The following ASB2 variants were observed in gnomAD, a reference collection of about 807,000 sequenced individuals.
ASB2 encodes ankyrin repeat and SOCS box protein 2.
A neutral mutation model predicts 62.4 loss-of-function variants in ASB2; 58 were observed. The observed-to-expected ratio is 0.93, with a 90% confidence interval of 0.75 to 1.16. The LOEUF (loss-of-function observed/expected upper bound fraction) is 1.16. ASB2 is among the 50% of genes most tolerant of loss of function. The pLI is 0.00. For missense variants in ASB2, 928 were observed against 887.9 expected (o/e 1.05, Z -0.57); for synonymous variants, 386 against 385.3 (o/e 1.00, Z -0.02).
chr14:93,964,365 G>T lies in ASB2; in HGVS notation c.175C>A (p.Arg59Ser). ...CATGGGTAGAAATGGGCAGGTTGGC[G>T]GTTGGTACATGCAGACGCGGTGGCC... Reference protein sequence around the residue: ...AEATASACTNRQPAHFYPWTR... With the variant: ...AEATASACTNSQPAHFYPWTR... Residue 59 changes from arginine to serine, a missense_variant, in exon 2 of 10, where the codon CGC becomes AGC. By Grantham distance (110) the Arg-to-Ser change is moderately radical. Coordinates refer to ENST00000555019, the MANE Select transcript of ASB2 (RefSeq NM_001202429.2). The T allele has an allele frequency of 1.3e-6, 2 of 1,536,144 alleles. No homozygotes were observed. Among genetic ancestry groups the T allele is most frequent in the Non-Finnish European group, 1.7e-6 (2 of 1,146,902 alleles).
intron 9 of ASB2, among the ~76,000 whole-genome samples, chr14:93,936,609 T>C (rs1438222613): frequency 1.3e-5 from 2 of 152,256 alleles, no homozygotes; most frequent in Admixed American, 1.3e-4. Context: ...TCAATTCAAG[T>C]GGCTTCCAGG....
chr14:93,955,200 A>T (rs575518278), intron 3 of ASB2: 3 of 456,116 alleles, frequency 6.6e-6, no homozygotes, highest in African/African-American at 2.0e-5. Flanking sequence ...CATTTCCCAG[A>T]TGGAGAAGGT....
chr14:93,967,338 C>CCTCCT (rs57602660), intron 1 of ASB2, among the ~76,000 whole-genome samples: 57,326 of 151,296 alleles, frequency 0.38, 11,262 homozygotes, highest in East Asian at 0.44. Flanking sequence ...GGTATGACAC[C>CCTCCT]CTTCTCTTCT....
At chr14:93,973,083 A>T (rs535685311) in intron 1 of ASB2, among the ~76,000 whole-genome samples, 107 of 152,300 alleles carry the variant, frequency 7.0e-4, no homozygotes, top group African/African-American at 2.5e-3. Flanking sequence ...TCAGGGCTGC[A>T]GGCCCCAGCT....
At chr14:93,941,115 G>C (rs1172518560) in intron 7 of ASB2, 1 of 152,972 alleles carries the variant, frequency 6.5e-6, no homozygotes, top group Admixed American at 6.5e-5. Flanking sequence ...TCAGAGAGCC[G>C]AAGTGACTAA....
Position 93,956,830 on chromosome 14 carries a change from T to C in ASB2, c.247A>G (p.Met83Val), listed in dbSNP as rs199712784. 5.9e-5 allele frequency: 96 copies of C among 1,614,062 alleles called. No homozygotes were observed. The highest frequency in any genetic ancestry group is 1.6e-4 in the Middle Eastern group (1 of 6,062). The change falls in exon 3 of 10, where the codon ATG becomes GTG. Residue 83 changes from methionine to valine, a missense_variant. Physicochemically the swap from Met to Val is conservative, Grantham distance 21. Transcript: ENST00000555019. ...PPESSPARAP[M>V]GLFQGVMQKY... ...TGCATGACCCCTTGGAACAAGCCCA[T>C]TGGGGCCCGGGCCGGCGAACTCTCA...
At chr14:93,947,619 G>GTA in intron 6 of ASB2, 99 bp from the exon 7 acceptor site, 1 of 1,214,410 alleles carries the variant, frequency 8.2e-7, no homozygotes, top group Non-Finnish European at 1.2e-6. Context: ...GCTAACCACG[G>GTA]TAATGCACGG....
intron 2 of ASB2, among the ~76,000 whole-genome samples, chr14:93,960,002 C>T (rs984986574): frequency 7.4e-6 from 1 of 135,776 alleles, no homozygotes; most frequent in Non-Finnish European, 1.6e-5. Flanking sequence ...CCACCCCATG[C>T]CACGAGTCCA....
Position 93,934,557 on chromosome 14 carries a change from C to T in ASB2, c.*99G>A. ...GGCTGAGAGGGAGGCAGCCTGCAGC[C>T]TCGTCTGTCACCAGGTCCCCTTGGA... On this transcript the variant is annotated 3_prime_UTR_variant, in exon 10 of 10. Transcript: ENST00000555019. 2 of 1,297,488 alleles carry T rather than the reference C, an allele frequency of 1.5e-6. No homozygotes were observed. The highest frequency in any genetic ancestry group is 1.1e-6 in the Non-Finnish European group (1 of 917,710). 80.4% of individuals were successfully genotyped at this position (1,297,488 alleles called of 1,614,324 possible).
At chr14:93,958,179 G>A (rs933854993) in intron 2 of ASB2, among the ~76,000 whole-genome samples, 1 of 152,230 alleles carries the variant, frequency 6.6e-6, no homozygotes, top group African/African-American at 2.4e-5. Flanking sequence ...CCTCCCACCT[G>A]CCTTCTCCCA....
rs1432914092 is a variant in ASB2, at chr14:93,954,426, G to A, written c.369C>T (p.Thr123=). The A allele has an allele frequency of 6.2e-7, 1 of 1,614,072 alleles. No individual in the cohort carries two copies. Among genetic ancestry groups the A allele is most frequent in the South Asian group, 1.1e-5 (1 of 91,084 alleles). Residue 123 remains threonine (T), a synonymous_variant, in exon 4 of 10, where the codon ACC becomes ACT. Transcript: ENST00000555019. Reference sequence around the variant, plus strand: ...CGAGATTCTTCCCTTCCTTGATCATGGTCTTCAAGGCCTCTTCATCGCCAT... The same window carrying A: ...CGAGATTCTTCCCTTCCTTGATCATAGTCTTCAAGGCCTCTTCATCGCCAT... The part of the protein sequence containing the change: ...IKDGDEEALK[T]MIKEGKNLAE...
chr14:93,939,094 C>G lies in ASB2; in HGVS notation c.1617+14G>C. ...CAAAAGGCGTGCTCCCCACCGCCAG[C>G]GTGCGCTGCCCACCTGCACCACGCT... is the stretch of plus-strand genomic sequence containing the variant. On this transcript the variant is annotated intron_variant, in intron 8 of 9. Transcript: ENST00000555019. 1.4e-6 allele frequency: 2 copies of G among 1,449,014 alleles called. No homozygotes were observed. Among genetic ancestry groups the G allele is most frequent in the Non-Finnish European group, 1.8e-6 (2 of 1,101,726 alleles). The allele number at this position is 1,449,014 out of a possible 1,614,324, so 89.8% of individuals were successfully genotyped here.
intron 2 of ASB2, among the ~76,000 whole-genome samples, chr14:93,961,651 G>A (rs1303519804): frequency 6.6e-6 from 1 of 152,214 alleles, no homozygotes; most frequent in African/African-American, 2.4e-5. Context: ...TGGATTGCCT[G>A]GGGACAAGGG....
At chr14:93,945,457 G>A (rs530617054) in intron 7 of ASB2, among the ~76,000 whole-genome samples, 2 of 152,308 alleles carry the variant, frequency 1.3e-5, no homozygotes, top group South Asian at 2.1e-4. Flanking sequence ...GGGTGCAGGC[G>A]CTCTGCTAGG....
At chr14:93,959,908 A>G (rs4900206) in intron 2 of ASB2, among the ~76,000 whole-genome samples, 59,829 of 151,452 alleles carry the variant, frequency 0.4, 12,127 homozygotes, top group South Asian at 0.46. Flanking sequence ...GGAGGGAGCT[A>G]ACAAAATCGA....
chr14:93,939,341 C>T lies in ASB2; in HGVS notation c.1384G>A (p.Asp462Asn), dbSNP rs1294936549. The T allele has an allele frequency of 1.9e-6, 3 of 1,611,816 alleles. No homozygotes were observed. Among genetic ancestry groups the T allele is most frequent in the Non-Finnish European group, 2.5e-6 (3 of 1,179,002 alleles). The change falls in exon 8 of 10, where the codon GAC becomes AAC. Residue 462 changes from aspartate to asparagine, a missense_variant. Asp to Asn is a conservative substitution (Grantham distance 23). Transcript: ENST00000555019. ...TAGGCGTCGATGTTCGCGCCGTGGT[C>T]CAGCAGCAGCTGCATTGTGCGCAGG... ...GCLRTMQLLL[D>N]HGANIDAYIA...
Position 93,953,526 on chromosome 14 carries a change from G to A in ASB2, c.479-19C>T, listed in dbSNP as rs765461423. 93 of 1,556,498 alleles carry A rather than the reference G, an allele frequency of 6.0e-5. No homozygotes were observed. Among genetic ancestry groups the A allele is most frequent in the Non-Finnish European group, 8.1e-5 (93 of 1,143,410 alleles). ...GGGTACGCTAGGGAGGGCCCACCGG[G>A]AAATTCATGTAGGAGAAAGATACTC... On this transcript the variant is annotated intron_variant, in intron 4 of 9. Coordinates refer to ENST00000555019, the MANE Select transcript of ASB2 (RefSeq NM_001202429.2).
chr14:93,944,803 T>A (rs1888661580), intron 7 of ASB2, among the ~76,000 whole-genome samples: 1 of 152,156 alleles, frequency 6.6e-6, no homozygotes, highest in Non-Finnish European at 1.5e-5. Flanking sequence ...TACAGGAACA[T>A]CAGCCATGGA....
chr14:93,957,635 G>A (rs916851017), intron 2 of ASB2, among the ~76,000 whole-genome samples: 18 of 152,282 alleles, frequency 1.2e-4, no homozygotes, highest in Admixed American at 6.5e-4. Flanking sequence ...ATGGTGTGAG[G>A]AGCTTAGTGG....
Sources: gnomAD v4.1 joint callset for allele counts (sites outside exome capture counted in the v4.1 genomes callset) on GRCh38, gnomAD v4.1.1 for gene constraint, MANE v1.5 for transcripts, NCBI Gene and HGNC (gene_info 2026-07-23, HGNC 2026-07-21) for gene names.